Variants in FBLN1 observed in about 807,000 individuals in gnomAD.
The protein encoded by FBLN1 is fibulin 1.
Under a neutral mutation model 89.7 loss-of-function variants are expected in FBLN1, and 34 were observed. The ratio of observed to expected loss-of-function variants is 0.38; its 90% CI spans 0.29 to 0.50. FBLN1 has a LOEUF of 0.50. Ranked by LOEUF, FBLN1 falls within the 20% of genes least tolerant of loss-of-function variation. The pLI is 0.92. For synonymous variants in FBLN1, 393 were observed against 391.3 expected, an observed-to-expected ratio of 1.00 and a Z score of -0.05; for missense variants, 777 against 988.1, an observed-to-expected ratio of 0.79 and a Z score of 2.86.
chr22:45,565,070 G>A, intron 14 of FBLN1: 1 of 1,603,126 alleles, frequency 6.2e-7, no homozygotes, highest in Non-Finnish European at 8.5e-7. Context: ...GGGAGCATGA[G>A]CCCTTTTCCC....
At chr22:45,568,762 C>T (rs537247261) in intron 14 of FBLN1, among the ~76,000 whole-genome samples, 1 of 23,988 alleles carries the variant, frequency 4.2e-5, no homozygotes, top group Admixed American at 3.5e-4. Flanking sequence ...GGGGAGTGCT[C>T]CTTCTGTAAG....
At position 45,578,776 on chromosome 22, in the gene FBLN1, G is replaced by A. The variant is rs549654939; in HGVS notation, c.1972+1668G>A. Among the ~76,000 whole-genome samples, 52 of 152,306 alleles carry A rather than the reference G, an allele frequency of 3.4e-4. No individual in the cohort carries two copies. Among genetic ancestry groups the A allele is most frequent in the African/African-American group, 7.5e-4 (31 of 41,554 alleles). On this transcript the variant is annotated intron_variant, in intron 16 of 16. Coordinates refer to ENST00000327858, the MANE Select transcript of FBLN1 (RefSeq NM_006486.3). The surrounding 1 kb of genome is among the most constrained non-coding windows in gnomAD (Gnocchi z 4.6). The stretch of plus-strand genomic sequence containing the variant: ...GGCCCTCAGGTGATTTCTAGATCTT[G>A]GAACATGGGAGTTTGGAATCCTAGG...
intron 2 of FBLN1, chr22:45,523,248 A>T (rs748653673): frequency 1.4e-6 from 1 of 738,978 alleles, no homozygotes; most frequent in Non-Finnish European, 2.5e-6. Context: ...TGGAGCCAGC[A>T]ACGGCCAGTC....
intron 16 of FBLN1, among the ~76,000 whole-genome samples, chr22:45,586,385 G>A (rs764283135): frequency 2.6e-5 from 4 of 152,214 alleles, no homozygotes; most frequent in South Asian, 4.1e-4. Flanking sequence ...CCCAGGGGTC[G>A]GCTACACCCC....
intron 16 of FBLN1, among the ~76,000 whole-genome samples, chr22:45,593,484 A>G (rs933231648): frequency 1.3e-5 from 2 of 152,240 alleles, no homozygotes; most frequent in Non-Finnish European, 2.9e-5. Flanking sequence ...GGATACCAGC[A>G]GCGTCTGAGA....
At position 45,562,901 on chromosome 22, in the gene FBLN1, T is replaced by G. The variant is rs755028260; in HGVS notation, c.1698-11610T>G. On this transcript the variant is annotated intron_variant, in intron 14 of 16. Coordinates refer to ENST00000327858, the MANE Select transcript of FBLN1 (RefSeq NM_006486.3). The surrounding 1 kb of genome is among the most constrained non-coding windows in gnomAD (Gnocchi z 7.8). Reference sequence around the variant, plus strand: ...ACCCTCTTCTTGTCTCTCTGCCCACTTTTCTTGCAGCCGCTGTGAGCGCTT... The same window carrying G: ...ACCCTCTTCTTGTCTCTCTGCCCACGTTTCTTGCAGCCGCTGTGAGCGCTT... 6.2e-7 allele frequency: 1 copy of G among 1,613,030 alleles called. No homozygotes were observed. The highest frequency in any genetic ancestry group is 1.3e-5 in the African/African-American group (1 of 75,060).
chr22:45,527,909 C>T lies in FBLN1; in HGVS notation c.384C>T (p.Tyr128=). 7 of 1,614,180 alleles carry T rather than the reference C, an allele frequency of 4.3e-6. No individual in the cohort carries two copies. The highest frequency in any genetic ancestry group is 5.1e-6 in the Non-Finnish European group (6 of 1,180,040). Residue 128 remains tyrosine, a synonymous_variant, in exon 4 of 17, where the codon TAC becomes TAT. Transcript: ENST00000327858. ...AAQAQGQSCE[Y]SLMVGYQCGQ... ...AGGCCCAGGGCCAGAGCTGCGAGTA[C>T]AGCCTCATGGTTGGCTACCAGTGTG...
chr22:45,547,298 G>C, intron 12 of FBLN1, 94 bp downstream of exon 12: 1 of 1,527,502 alleles, frequency 6.5e-7, no homozygotes, highest in Non-Finnish European at 8.9e-7. Flanking sequence ...CCACAGGGAA[G>C]AGCCTGCTGG....
intron 16 of FBLN1, among the ~76,000 whole-genome samples, chr22:45,595,277 G>A (rs1416572195): frequency 1.3e-5 from 2 of 152,336 alleles, no homozygotes; most frequent in Admixed American, 6.5e-5. Flanking sequence ...AGGTCAGAGG[G>A]GAGGGATAGA....
At chr22:45,585,748 C>A (rs1169956019) in intron 16 of FBLN1, among the ~76,000 whole-genome samples, 1 of 152,092 alleles carries the variant, frequency 6.6e-6, no homozygotes, top group Admixed American at 6.5e-5. Flanking sequence ...GGCATGGGGA[C>A]GAGGGTGTCT....
At chr22:45,555,467 C>T (rs996256680) in intron 14 of FBLN1, among the ~76,000 whole-genome samples, 10 of 151,944 alleles carry the variant, frequency 6.6e-5, no homozygotes, top group African/African-American at 1.7e-4. Context: ...GCATCCAGCA[C>T]GGGAGAAAGA....
At position 45,533,043 on chromosome 22, in the gene FBLN1, C is replaced by T. The variant is rs754920384; in HGVS notation, c.545-20C>T. On this transcript the variant is annotated intron_variant, in intron 5 of 16. Transcript: ENST00000327858. Reference sequence around the variant, plus strand: ...TGCCTGGGTGCGTCCATCCCTGGCTCATGCACGCTGTGCTTCCAGGAGGCG... The same window carrying T: ...TGCCTGGGTGCGTCCATCCCTGGCTTATGCACGCTGTGCTTCCAGGAGGCG... 19 of 1,607,360 alleles carry T rather than the reference C, an allele frequency of 1.2e-5. No individual in the cohort carries two copies. Among genetic ancestry groups the T allele is most frequent in the East Asian group, 4.5e-5 (2 of 44,858 alleles).
chr22:45,512,865 C>T (rs2088120254), intron 1 of FBLN1, among the ~76,000 whole-genome samples: 1 of 152,194 alleles, frequency 6.6e-6, no homozygotes, highest in Non-Finnish European at 1.5e-5. Context: ...TCAAGCGATC[C>T]TCCCACCTCT....
chr22:45,531,367 C>T lies in FBLN1; in HGVS notation c.544+43C>T. The T allele has an allele frequency of 6.4e-6, 10 of 1,568,214 alleles. No homozygotes were observed. The highest frequency in any genetic ancestry group is 8.8e-6 in the Non-Finnish European group (10 of 1,138,726). ...CCCATCAGTTGGTATTTAAACAAAC[C>T]CCAAGGGGCCAGCAAGGTGGCTCAG... On this transcript the variant is annotated intron_variant, in intron 5 of 16. Coordinates refer to ENST00000327858, the MANE Select transcript of FBLN1 (RefSeq NM_006486.3). This position sits in a 1 kb window ranked among gnomAD's most constrained non-coding sequence, Gnocchi z 4.9.
intron 3 of FBLN1, among the ~76,000 whole-genome samples, chr22:45,526,763 G>C (rs1264202409): frequency 6.6e-6 from 1 of 152,188 alleles, no homozygotes; most frequent in Non-Finnish European, 1.5e-5. Flanking sequence ...CCAGGAGAGA[G>C]CTGGGTGGGG....
chr22:45,570,916 G>A (rs188598376), intron 14 of FBLN1, among the ~76,000 whole-genome samples: 1 of 152,146 alleles, frequency 6.6e-6, no homozygotes, highest in East Asian at 1.9e-4. Flanking sequence ...CACAAGGTCA[G>A]GATTTCAAGA....
At chr22:45,570,340 GAAAAGAAAAGAAAAGA>G (rs2088941745) in intron 14 of FBLN1, among the ~76,000 whole-genome samples, 3 of 59,128 alleles carry the variant, frequency 5.1e-5, no homozygotes, top group African/African-American at 1.5e-4. Context: ...AAAAAAAAAA[GAAAAGAAAAGAAAAGA>G]AAAAAAAAAG....
chr22:45,591,862 C>T (rs1255764868), intron 16 of FBLN1, among the ~76,000 whole-genome samples: 2 of 116,230 alleles, frequency 1.7e-5, no homozygotes, highest in Admixed American at 9.2e-5. Flanking sequence ...GTGTCCTGCA[C>T]GCCATTTTGC....
intron 7 of FBLN1, 55 bp downstream of exon 7, chr22:45,533,953 C>A: frequency 6.2e-7 from 1 of 1,608,788 alleles, no homozygotes; most frequent in Non-Finnish European, 8.5e-7. Flanking sequence ...AGATACGGCG[C>A]GGTGGGAAGG....
Sources: gnomAD v4.1 joint callset for allele counts (sites outside exome capture counted in the v4.1 genomes callset) on GRCh38, gnomAD v4.1.1 for gene constraint, Gnocchi (gnomAD v3.1) non-coding constraint, MANE v1.5 for transcripts, NCBI Gene and HGNC (gene_info 2026-07-23, HGNC 2026-07-21) for gene names.